Variants in TENM3 observed in about 807,000 individuals in gnomAD.
The protein encoded by TENM3 is teneurin transmembrane protein 3, also known as teneurin-3.
Under a neutral mutation model 255.1 loss-of-function variants are expected in TENM3, and 63 were observed. The ratio of observed to expected loss-of-function variants is 0.25; its 90% confidence interval spans 0.20 to 0.30. The LOEUF (loss-of-function observed/expected upper bound fraction) is 0.30, where lower values mean the gene tolerates loss of function less well. Ranked by LOEUF, TENM3 falls within the 10% of genes least tolerant of loss-of-function variation. The pLI is 1.00. For missense variants in TENM3, 2,929 were observed against 3,461.1 expected (o/e 0.85, Z 3.86); for synonymous variants, 1,306 against 1,322.3 (o/e 0.99, Z 0.27).
intron 1 of TENM3, among the ~76,000 whole-genome samples, chr4:182,248,153 GC>G (rs1757774102): frequency 6.6e-6 from 1 of 151,984 alleles, no homozygotes; most frequent in Non-Finnish European, 1.5e-5. Flanking sequence ...GTTAAAATTT[GC>G]TTTTAAAATA....
chr4:182,648,467 G>A (rs113529191), intron 5 of TENM3, among the ~76,000 whole-genome samples: 12 of 152,136 alleles, frequency 7.9e-5, no homozygotes, highest in African/African-American at 2.9e-4. Flanking sequence ...TTTTAGTAGA[G>A]ACTGGGTTTT....
chr4:181,459,816 T>C, the TENM3 span, among the ~76,000 whole-genome samples: 4 of 151,982 alleles, frequency 2.6e-5, no homozygotes, highest in African/African-American at 9.7e-5. Flanking sequence ...TGCATTGCTA[T>C]ATAAGTTTTA....
chr4:182,160,151 C>G (rs548233972), intron 1 of TENM3, among the ~76,000 whole-genome samples: 8 of 149,520 alleles, frequency 5.4e-5, no homozygotes, highest in African/African-American at 2.0e-4. Flanking sequence ...TACAGGCGCC[C>G]GCCACCACGC....
At chr4:182,560,545 GCA>G (rs1743058106) in intron 3 of TENM3, among the ~76,000 whole-genome samples, 1 of 152,148 alleles carries the variant, frequency 6.6e-6, no homozygotes, top group Non-Finnish European at 1.5e-5. Context: ...AGAGGCAAAG[GCA>G]CAGTTTCCCT....
chr4:182,594,683 GGTGTGTGTGTGTGTGTGTGTGT>G (rs67667219), intron 3 of TENM3, among the ~76,000 whole-genome samples: 16 of 138,252 alleles, frequency 1.2e-4, no homozygotes, highest in Admixed American at 3.7e-4. Context: ...TTTTTGTTTT[GGTGTGTGTGTGTGTGTGTGTGT>G]GTGTGTGTGT....
the TENM3 span, among the ~76,000 whole-genome samples, chr4:181,636,076 C>T: frequency 3.9e-5 from 6 of 152,006 alleles, no homozygotes; most frequent in African/African-American, 1.2e-4. Context: ...GAGACAGTTT[C>T]GCTCTGTCAT....
intron 24 of TENM3, among the ~76,000 whole-genome samples, chr4:182,785,419 A>G (rs1314191597): frequency 6.6e-6 from 1 of 151,922 alleles, no homozygotes; most frequent in East Asian, 1.9e-4. Context: ...TTAAAAGGCT[A>G]CCAGAAGACC....
In TENM3 at chr4:182,774,911, T is replaced by A; in HGVS notation, c.5069-7T>A. 1 of 1,595,598 alleles carries A rather than the reference T, an allele frequency of 6.3e-7. No individual in the cohort carries two copies. The highest frequency in any genetic ancestry group is 8.6e-7 in the Non-Finnish European group (1 of 1,165,048). On this transcript the variant is annotated splice_polypyrimidine_tract_variant and splice_region_variant and intron_variant, in intron 23 of 27. Transcript: ENST00000511685. ...ATAGTTCATGTTTTGTGCTTCTTGT[T>A]CTTTAGATCAGTTAAGAAACAGCTA...
the TENM3 span, among the ~76,000 whole-genome samples, chr4:181,695,050 A>C: frequency 6.6e-6 from 1 of 152,190 alleles, no homozygotes; most frequent in Non-Finnish European, 1.5e-5. Flanking sequence ...TTCAGAATGC[A>C]TGGGAAATAT....
At chr4:182,512,405 G>A (rs1464513583) in intron 3 of TENM3, among the ~76,000 whole-genome samples, 1 of 152,156 alleles carries the variant, frequency 6.6e-6, no homozygotes, top group Non-Finnish European at 1.5e-5. Flanking sequence ...ACCAGCATTA[G>A]ACTAAGGTTA....
At chr4:182,165,803 T>A (rs1751668016) in intron 1 of TENM3, among the ~76,000 whole-genome samples, 1 of 151,806 alleles carries the variant, frequency 6.6e-6, no homozygotes, top group Admixed American at 6.6e-5. Flanking sequence ...TTTGAGAGAG[T>A]CTCGCTCTGT....
the TENM3 span, among the ~76,000 whole-genome samples, chr4:181,609,072 G>A: frequency 0.11 from 16,353 of 151,958 alleles, 961 homozygotes; most frequent in South Asian, 0.19. Context: ...CTTTGCAAAA[G>A]GAAGACAGGA....
intron 3 of TENM3, among the ~76,000 whole-genome samples, chr4:182,397,398 TAAA>T (rs144177808): frequency 0.011 from 523 of 48,850 alleles, 1 homozygote; most frequent in African/African-American, 0.018. Context: ...AGACTCCATC[TAAA>T]AAAAAAAAAA....
chr4:182,030,884 C>G, the TENM3 span, among the ~76,000 whole-genome samples: 1 of 152,066 alleles, frequency 6.6e-6, no homozygotes, highest in Non-Finnish European at 1.5e-5. Context: ...ATGTCCTTCG[C>G]CCACGTTTTA....
chr4:181,789,772 CAGG>C, the TENM3 span, among the ~76,000 whole-genome samples: 1 of 152,072 alleles, frequency 6.6e-6, no homozygotes, highest in Non-Finnish European at 1.5e-5. Context: ...AGTTGCTGAA[CAGG>C]AGGAGGAGGT....
At chr4:182,640,021 C>T (rs1440461248) in intron 5 of TENM3, among the ~76,000 whole-genome samples, 9 of 152,214 alleles carry the variant, frequency 5.9e-5, no homozygotes, top group East Asian at 5.8e-4. Flanking sequence ...ACCCAGGAGG[C>T]GGAGGTTGCG....
At chr4:182,080,574 A>G in the TENM3 span, among the ~76,000 whole-genome samples, 1 of 152,242 alleles carries the variant, frequency 6.6e-6, no homozygotes, top group Non-Finnish European at 1.5e-5. Context: ...ATAAAAATGT[A>G]TGTACTTCTA....
chr4:181,877,949 G>A, the TENM3 span, among the ~76,000 whole-genome samples: 40 of 152,152 alleles, frequency 2.6e-4, no homozygotes, highest in South Asian at 8.3e-4. Flanking sequence ...TAGTGTAGGC[G>A]TATGGCGTTT....
At chr4:181,950,180 C>A in the TENM3 span, among the ~76,000 whole-genome samples, 4 of 152,138 alleles carry the variant, frequency 2.6e-5, no homozygotes, top group Non-Finnish European at 5.9e-5. Flanking sequence ...TTTCCTGGCT[C>A]ATGCTGGCTC....
Sources: allele counts gnomAD v4.1 joint callset (sites outside exome capture counted in the v4.1 genomes callset), GRCh38; gene constraint gnomAD v4.1.1; transcripts MANE v1.5; gene names NCBI Gene and HGNC (gene_info 2026-07-23, HGNC 2026-07-21).